The following FBXL2 variants were observed in gnomAD, a reference collection of about 807,000 sequenced individuals.
FBXL2 encodes F-box and leucine rich repeat protein 2.
In FBXL2, 38 loss-of-function variants were observed where a neutral mutation model predicts 69.2. The ratio of observed to expected loss-of-function variants is 0.55; its 90% CI spans 0.42 to 0.72. The LOEUF (loss-of-function observed/expected upper bound fraction) is 0.72, where lower values mean the gene tolerates loss of function less well. Among genes scored for constraint, FBXL2 ranks in the 30% least tolerant of loss-of-function variants. The pLI is 0.00. For synonymous variants in FBXL2, 192 were observed against 201.3 expected (o/e 0.95, Z 0.39); for missense variants, 354 against 520.3 (o/e 0.68, Z 3.11).
At chr3:33,325,884 G>C (rs2038653010) in intron 2 of FBXL2, among the ~76,000 whole-genome samples, 1 of 152,036 alleles carries the variant, frequency 6.6e-6, no homozygotes, top group Non-Finnish European at 1.5e-5. Context: ...AAAATATAAT[G>C]ATTGCAAATT....
intron 2 of FBXL2, among the ~76,000 whole-genome samples, chr3:33,341,046 A>G (rs2039980912): frequency 6.6e-6 from 1 of 152,200 alleles, no homozygotes. Context: ...GAATGTCACC[A>G]TTTTACAGCT....
In FBXL2 at chr3:33,339,018, A is replaced by G. The variant is rs140334985; in HGVS notation, c.66-19949A>G. ...TACAGAATGGGAGAAAATATTTGCA[A>G]ACTATGCACCTGACAAAGGCCTAAT... On this transcript the variant is annotated intron_variant, in intron 2 of 14. Coordinates refer to ENST00000484457, the MANE Select transcript of FBXL2 (RefSeq NM_012157.5). Among the ~76,000 whole-genome samples, 616 of 152,330 alleles carry G rather than the reference A, an allele frequency of 4.0e-3. 1 individual carries two copies. Among genetic ancestry groups the G allele is most frequent in the African/African-American group, 0.014 (573 of 41,578 alleles).
At chr3:33,333,695 C>T (rs576858493) in intron 2 of FBXL2, among the ~76,000 whole-genome samples, 2 of 152,236 alleles carry the variant, frequency 1.3e-5, no homozygotes, top group South Asian at 4.1e-4. Flanking sequence ...GACTTAGACA[C>T]TAAATCACCC....
chr3:33,346,270 C>T (rs1369514916), intron 2 of FBXL2, among the ~76,000 whole-genome samples: 1 of 151,978 alleles, frequency 6.6e-6, no homozygotes, highest in African/African-American at 2.4e-5. Context: ...ATCTAAGCCT[C>T]CATTTTAGGA....
intron 1 of FBXL2, among the ~76,000 whole-genome samples, chr3:33,281,045 T>A (rs993597870): frequency 5.3e-5 from 8 of 152,212 alleles, no homozygotes; most frequent in East Asian, 1.9e-4. Flanking sequence ...TTTTAATTTT[T>A]AATTTTTAAA....
intron 2 of FBXL2, among the ~76,000 whole-genome samples, chr3:33,323,044 A>G (rs1356749811): frequency 6.6e-6 from 1 of 152,102 alleles, no homozygotes; most frequent in Non-Finnish European, 1.5e-5. Flanking sequence ...TTGAATTGCT[A>G]CCTTACTAAG....
intron 2 of FBXL2, among the ~76,000 whole-genome samples, chr3:33,356,896 T>C (rs540377350): frequency 2.9e-4 from 44 of 152,316 alleles, no homozygotes; most frequent in Non-Finnish European, 5.7e-4. Context: ...CTTTTCTTTC[T>C]CAGGATCTAG....
intron 1 of FBXL2, among the ~76,000 whole-genome samples, chr3:33,295,381 T>G (rs956358788): frequency 2.0e-5 from 3 of 152,242 alleles, no homozygotes; most frequent in Non-Finnish European, 2.9e-5. Flanking sequence ...TAGCATATTT[T>G]CAAGACTCAT....
intron 2 of FBXL2, among the ~76,000 whole-genome samples, chr3:33,347,351 A>G (rs1008623948): frequency 6.6e-6 from 1 of 152,152 alleles, no homozygotes; most frequent in African/African-American, 2.4e-5. Context: ...GGATGGATAT[A>G]TGTTGGATAT....
intron 2 of FBXL2, among the ~76,000 whole-genome samples, chr3:33,320,463 ATCT>A (rs2038095330): frequency 6.6e-6 from 1 of 151,898 alleles, no homozygotes; most frequent in African/African-American, 2.4e-5. Context: ...GGAGGCTATG[ATCT>A]TGGGGTAGGA....
At chr3:33,308,409 CAT>C (rs1262947612) in intron 2 of FBXL2, among the ~76,000 whole-genome samples, 2 of 152,168 alleles carry the variant, frequency 1.3e-5, no homozygotes, top group Non-Finnish European at 2.9e-5. Context: ...ATGAGAAACT[CAT>C]AATTTCATAC....
intron 2 of FBXL2, among the ~76,000 whole-genome samples, chr3:33,314,525 A>G (rs1242184289): frequency 1.3e-5 from 2 of 152,230 alleles, no homozygotes; most frequent in African/African-American, 4.8e-5. Flanking sequence ...ATTCTATGGT[A>G]TAGTTAAAAT....
intron 2 of FBXL2, among the ~76,000 whole-genome samples, chr3:33,341,850 AAAAAAG>A (rs1166066954): frequency 1.3e-4 from 20 of 150,802 alleles, no homozygotes; most frequent in African/African-American, 4.9e-4. Context: ...AAAAAAAAAA[AAAAAAG>A]GACAGGTGAA....
At chr3:33,401,377 A>C (rs1163276113) in intron 12 of FBXL2, among the ~76,000 whole-genome samples, 1 of 152,230 alleles carries the variant, frequency 6.6e-6, no homozygotes, top group African/African-American at 2.4e-5. Context: ...CAAATTAGAT[A>C]AATAGTTGAA....
intron 2 of FBXL2, among the ~76,000 whole-genome samples, chr3:33,311,756 C>T (rs2037219001): frequency 1.3e-5 from 2 of 152,102 alleles, no homozygotes; most frequent in Admixed American, 1.3e-4. Flanking sequence ...TCCTGAGTAG[C>T]TGGGACTACA....
downstream of FBXL2, chr3:33,391,436 ACTT>A (rs1409583581): frequency 6.6e-6 from 1 of 152,086 alleles, no homozygotes; most frequent in African/African-American, 2.4e-5. Context: ...GACCTTAACA[ACTT>A]CTACAGCTTT....
intron 9 of FBXL2, 93 bp from the exon 10 acceptor site, chr3:33,375,195 C>A: frequency 6.6e-7 from 1 of 1,520,526 alleles, no homozygotes; most frequent in South Asian, 1.2e-5. Context: ...TAATCAGCAA[C>A]CAAAACTGAA....
chr3:33,408,810 C>A, the FBXL2 span: 1 of 1,604,578 alleles, frequency 6.2e-7, no homozygotes, highest in Non-Finnish European at 8.5e-7. Context: ...GGACAAACAC[C>A]AAAGATTGGG....
At chr3:33,277,215 G>T (rs1480185424), upstream of FBXL2, 19 of 376,170 alleles carry the variant, frequency 5.1e-5, no homozygotes, top group Non-Finnish European at 8.4e-5. Flanking sequence ...GTCTCTTTCA[G>T]CTGGGCAGTC....
Sources: allele counts gnomAD v4.1 joint callset (sites outside exome capture counted in the v4.1 genomes callset), GRCh38; gene constraint gnomAD v4.1.1; transcripts MANE v1.5; gene names NCBI Gene and HGNC (gene_info 2026-07-23, HGNC 2026-07-21).